Variants in MAP3K15 observed in about 807,000 individuals in gnomAD.
MAP3K15 encodes the protein mitogen-activated protein kinase kinase kinase 15.
In MAP3K15, 124 loss-of-function variants were observed where a neutral mutation model predicts 99.5. The observed-to-expected ratio is 1.25, with a 90% CI of 1.08 to 1.45. The LOEUF (loss-of-function observed/expected upper bound fraction) is 1.45. MAP3K15 is among the 40% of genes most tolerant of loss of function. The pLI, the probability that MAP3K15 is intolerant of heterozygous loss-of-function variation, is 0.00. For synonymous variants in MAP3K15, 494 were observed against 439.6 expected, an observed-to-expected ratio of 1.12 and a Z score of -1.55; for missense variants, 1,242 against 1,079.7, an observed-to-expected ratio of 1.15 and a Z score of -2.11.
intron 1 of MAP3K15, 84 bp downstream of exon 1, chrX:19,514,817 G>A: frequency 3.6e-6 from 1 of 278,723 alleles, no homozygotes; most frequent in Non-Finnish European, 5.3e-6. Flanking sequence ...GGACGGGGGA[G>A]AAGGGCGAGG....
chrX:19,493,687 A>G (rs1348730028), intron 1 of MAP3K15, among the ~76,000 whole-genome samples: 1 of 111,725 alleles, frequency 9.0e-6, no homozygotes. Context: ...AAACACTTCC[A>G]CAGACTTCTC....
rs1226960685 is a variant in MAP3K15 at position 19,459,985 on chromosome X, C to T, written c.888G>A (p.Gln296=). The T allele has an allele frequency of 4.4e-6, 5 of 1,136,890 alleles. No homozygotes were observed. The highest frequency in any genetic ancestry group is 5.8e-6 in the Non-Finnish European group (5 of 863,195). 93.7% of individuals were successfully genotyped at this position (1,136,890 alleles called of 1,213,427 possible). A position where few individuals can be genotyped will look rare whatever the true frequency, so the allele number is the denominator to read the frequency against. ...AGCCTCGGCTAGGTGGATTTCATACCTGGATATCACGGTAGGACAGGAGTA... is the reference window on the plus strand; with the variant it reads ...AGCCTCGGCTAGGTGGATTTCATACTTGGATATCACGGTAGGACAGGAGTA... The part of the protein sequence containing the change: ...INLLLSYRDI[Q]DYDAMVKLVE... The change falls in exon 5 of 29, where the codon CAG becomes CAA. Residue 296 remains glutamine (Q), a splice_region_variant and synonymous_variant. Coordinates refer to ENST00000338883, the MANE Select transcript of MAP3K15 (RefSeq NM_001001671.4).
intron 13 of MAP3K15, among the ~76,000 whole-genome samples, chrX:19,400,964 A>G (rs745348746): frequency 1.8e-5 from 2 of 111,373 alleles, no homozygotes; most frequent in East Asian, 5.6e-4. Context: ...TTCTTGGAAG[A>G]TCTTAATGAG....
chrX:19,482,436 T>C (rs1483217700), intron 3 of MAP3K15, among the ~76,000 whole-genome samples: 1 of 112,150 alleles, frequency 8.9e-6, no homozygotes, highest in East Asian at 2.8e-4. Context: ...CATGCATCCA[T>C]GATCCTAGTG....
rs1430142645 is a variant in MAP3K15 at position 19,371,513 on chromosome X, A to G, written c.3126T>C (p.His1042=). ...TTTGCTTGATGTGTCCAACTGAGAG[A>G]TGCAACTCTTCGGAACTCTGAAAAC... ...ECVAQSSEEL[H]LSVGHIKQII... The change falls in exon 23 of 29, where the codon CAT becomes CAC. Residue 1042 remains histidine (H), a synonymous_variant. Transcript: ENST00000338883. 8.3e-7 allele frequency: 1 copy of G among 1,198,454 alleles called. No individual in the cohort carries two copies. The highest frequency in any genetic ancestry group is 1.1e-6 in the Non-Finnish European group (1 of 886,857).
intron 3 of MAP3K15, among the ~76,000 whole-genome samples, chrX:19,472,809 G>A (rs923968474): frequency 5.3e-5 from 6 of 112,161 alleles, no homozygotes; most frequent in Non-Finnish European, 1.1e-4. Flanking sequence ...AAACATTTCT[G>A]CTGAAATTTT....
At chrX:19,511,755 T>C (rs1441371409) in intron 1 of MAP3K15, among the ~76,000 whole-genome samples, 1 of 111,897 alleles carries the variant, frequency 8.9e-6, no homozygotes, top group Admixed American at 9.5e-5. Context: ...TGAAAGACAG[T>C]GTGGCAATTC....
chrX:19,478,186 G>C (rs1210418278), intron 3 of MAP3K15, among the ~76,000 whole-genome samples: 2 of 43,605 alleles, frequency 4.6e-5, no homozygotes, highest in African/African-American at 1.8e-4. Flanking sequence ...GAGAGAGAGA[G>C]GGAAGGAGGG....
chrX:19,384,447 C>T (rs567032662), intron 18 of MAP3K15, among the ~76,000 whole-genome samples: 1 of 109,476 alleles, frequency 9.1e-6, no homozygotes, highest in South Asian at 3.9e-4. Context: ...TGACCATAGT[C>T]AATACATTTT....
At chrX:19,439,337 T>A (rs1387480393) in intron 6 of MAP3K15, among the ~76,000 whole-genome samples, 1 of 112,193 alleles carries the variant, frequency 8.9e-6, no homozygotes, top group Non-Finnish European at 1.9e-5. Context: ...CAGTCTCTGG[T>A]ATTTCTTTAT....
At chrX:19,441,544 C>A (rs942052276) in intron 6 of MAP3K15, among the ~76,000 whole-genome samples, 4 of 111,899 alleles carry the variant, frequency 3.6e-5, no homozygotes, top group African/African-American at 1.3e-4. Context: ...GGCACGATCT[C>A]ACTGCATCCT....
chrX:19,384,824 G>T lies in MAP3K15; in HGVS notation c.2432-4547C>A, dbSNP rs892216992. Among the ~76,000 whole-genome samples, 3 of 96,597 alleles carry T rather than the reference G, an allele frequency of 3.1e-5. No homozygotes were observed. In the Admixed American group the frequency reaches 3.6e-4, roughly 11 times the overall value. 83.9% of individuals were successfully genotyped at this position (96,597 alleles called of 115,157 possible). A position where few individuals can be genotyped will look rare whatever the true frequency, so the allele number is the denominator to read the frequency against. On this transcript the variant is annotated intron_variant, in intron 18 of 28. Coordinates refer to ENST00000338883, the MANE Select transcript of MAP3K15 (RefSeq NM_001001671.4). ...TGAAAAGAGCATAACTGGATTGTTT[G>T]TAACACAAAGGATAAATGCCTGAGG...
Position 19,413,365 on chromosome X carries a change from T to C in MAP3K15, c.1690A>G (p.Thr564Ala). Residue 564 changes from threonine to alanine, a missense_variant, in exon 11 of 29, where the codon ACA becomes GCA. By Grantham distance (58) the Thr-to-Ala change is moderately conservative. Transcript: ENST00000338883. The stretch of plus-strand genomic sequence containing the variant: ...TGATTTTTCCTCCTTACCATTTCTG[T>C]GGGTGAGACATGCCATAAAGAAACT... Reference protein sequence around the residue: ...RTVSLWHVSPTEMKQMHEWNF... With the variant: ...RTVSLWHVSPAEMKQMHEWNF... 1 of 1,194,272 alleles carries C rather than the reference T, an allele frequency of 8.4e-7. No homozygotes were observed. Among genetic ancestry groups the C allele is most frequent in the South Asian group, 1.8e-5 (1 of 55,461 alleles).
intron 6 of MAP3K15, among the ~76,000 whole-genome samples, chrX:19,436,869 C>T (rs934484077): frequency 1.8e-5 from 2 of 111,218 alleles, no homozygotes; most frequent in Non-Finnish European, 3.8e-5. Context: ...GTAGAAACAG[C>T]GTTTAGCCAT....
At chrX:19,453,370 C>A (rs58349778) in intron 6 of MAP3K15, among the ~76,000 whole-genome samples, 4,861 of 109,004 alleles carry the variant, frequency 0.045, 273 homozygotes, top group African/African-American at 0.15. Context: ...CGTGGTGATG[C>A]GCACCTGTAA....
intron 19 of MAP3K15, among the ~76,000 whole-genome samples, chrX:19,377,363 T>C (rs993584409): frequency 4.9e-4 from 55 of 111,505 alleles, no homozygotes; most frequent in African/African-American, 1.7e-3. Flanking sequence ...CTGGCCAACA[T>C]GGTGAAACCC....
chrX:19,443,808 A>C (rs1304252695), intron 6 of MAP3K15, among the ~76,000 whole-genome samples: 1 of 111,365 alleles, frequency 9.0e-6, no homozygotes, highest in Admixed American at 9.6e-5. Flanking sequence ...TCTTATGCCA[A>C]GTTTCTCAAA....
At chrX:19,458,473 G>C (rs1371367646) in intron 5 of MAP3K15, among the ~76,000 whole-genome samples, 1 of 111,812 alleles carries the variant, frequency 8.9e-6, no homozygotes, top group East Asian at 2.8e-4. Flanking sequence ...GAGGTCAGGA[G>C]TTTGAGATCA....
Position 19,394,789 on chromosome X carries a change from C to CTTTTTTTT in MAP3K15, c.2194+284_2194+291dup, listed in dbSNP as rs144723219. On this transcript the variant is annotated intron_variant, in intron 16 of 28. Transcript: ENST00000338883. Reference sequence around the variant, plus strand: ...TTTCCAACATCTAAAGGGTCTGTTGCTTTTTTTTTTTTTTTTTTTTTTTTT... The same window carrying CTTTTTTTT: ...TTTCCAACATCTAAAGGGTCTGTTGCTTTTTTTTTTTTTTTTTTTTTTTTTTTTTTTTT... 2.9e-4 allele frequency among the ~76,000 whole-genome samples: 5 copies of CTTTTTTTT among 17,510 alleles called. 2 individuals are homozygous for CTTTTTTTT. Among genetic ancestry groups the CTTTTTTTT allele is most frequent in the African/African-American group, 6.8e-4 (5 of 7,326 alleles). 15.2% of individuals were successfully genotyped at this position (17,510 alleles called of 115,157 possible).
Sources: gnomAD v4.1 joint callset for allele counts (sites outside exome capture counted in the v4.1 genomes callset) on GRCh38, gnomAD v4.1.1 for gene constraint, MANE v1.5 for transcripts, NCBI Gene and HGNC (gene_info 2026-07-23, HGNC 2026-07-21) for gene names.